The following DOK6 variants were observed in gnomAD, a reference collection of about 807,000 sequenced individuals.
The protein encoded by DOK6 is docking protein 6.
A neutral mutation model predicts 44.0 loss-of-function variants in DOK6; 22 were observed. The observed-to-expected ratio is 0.50, with a 90% CI of 0.36 to 0.71. DOK6 has a LOEUF of 0.71. Ranked by LOEUF, DOK6 falls within the 30% of genes least tolerant of loss-of-function variation. The probability of loss-of-function intolerance (pLI) is 0.00; values close to 1 mark genes in which losing one functional copy is unlikely to be tolerated. For missense variants in DOK6, 340 were observed against 416.4 expected, an observed-to-expected ratio of 0.82 and a Z score of 1.60; for synonymous variants, 166 against 145.5, an observed-to-expected ratio of 1.14 and a Z score of -1.01.
chr18:69,417,948 G>A (rs982324802), intron 1 of DOK6, among the ~76,000 whole-genome samples: 11 of 152,184 alleles, frequency 7.2e-5, no homozygotes, highest in African/African-American at 2.6e-4. Flanking sequence ...TATGTATCCC[G>A]TTTATTAACC....
intron 1 of DOK6, among the ~76,000 whole-genome samples, chr18:69,440,383 A>G (rs554641496): frequency 5.3e-4 from 80 of 152,318 alleles, no homozygotes; most frequent in African/African-American, 1.9e-3. Flanking sequence ...GAGGTGATAG[A>G]CTTGCTTAAC....
At chr18:69,419,576 C>T (rs1978427840) in intron 1 of DOK6, among the ~76,000 whole-genome samples, 1 of 152,108 alleles carries the variant, frequency 6.6e-6, no homozygotes, top group Non-Finnish European at 1.5e-5. Flanking sequence ...TTGTTTTGCT[C>T]TGCAGTTAGA....
chr18:69,469,652 C>A, intron 1 of DOK6: 1 of 232,942 alleles, frequency 4.3e-6, no homozygotes, highest in Non-Finnish European at 8.9e-6. Context: ...CCGGCTGCCT[C>A]ACCAGAGCCT....
chr18:69,774,139 T>TATATATATATATGAG (rs1478729394), intron 7 of DOK6, among the ~76,000 whole-genome samples: 5 of 119,880 alleles, frequency 4.2e-5, no homozygotes, highest in African/African-American at 1.4e-4. Context: ...ATGAGATATA[T>TATATATATATATGAG]ATATATATAT....
At chr18:69,459,426 A>G (rs570848743) in intron 1 of DOK6, among the ~76,000 whole-genome samples, 34 of 152,234 alleles carry the variant, frequency 2.2e-4, no homozygotes, top group Non-Finnish European at 4.6e-4. Context: ...TGATAACATC[A>G]ATAATAATTA....
chr18:69,724,370 T>C (rs1978296141), intron 5 of DOK6, among the ~76,000 whole-genome samples: 1 of 152,202 alleles, frequency 6.6e-6, no homozygotes, highest in African/African-American at 2.4e-5. Context: ...GAAGATAGCA[T>C]TGAAAATGAA....
At chr18:69,796,674 G>T (rs1292732247) in intron 7 of DOK6, among the ~76,000 whole-genome samples, 1 of 152,202 alleles carries the variant, frequency 6.6e-6, no homozygotes, top group East Asian at 1.9e-4. Flanking sequence ...AATTTAAAAA[G>T]TGTACCTGTC....
At chr18:69,593,683 T>C (rs921169459) in intron 2 of DOK6, among the ~76,000 whole-genome samples, 6 of 152,176 alleles carry the variant, frequency 3.9e-5, no homozygotes, top group African/African-American at 1.4e-4. Flanking sequence ...TGCTAGGCTA[T>C]CCATTAGCTT....
At chr18:69,694,194 C>T (rs1986342336) in intron 4 of DOK6, among the ~76,000 whole-genome samples, 1 of 151,764 alleles carries the variant, frequency 6.6e-6, no homozygotes, top group Non-Finnish European at 1.5e-5. Context: ...CCTTGCTGCC[C>T]CTTTTCCCTG....
At chr18:69,624,027 C>T (rs915730269) in intron 3 of DOK6, among the ~76,000 whole-genome samples, 5 of 151,778 alleles carry the variant, frequency 3.3e-5, no homozygotes, top group African/African-American at 1.2e-4. Flanking sequence ...AGTATTATGG[C>T]TCTACACAAC....
chr18:69,558,643 A>G (rs879750674), intron 1 of DOK6, among the ~76,000 whole-genome samples: 33 of 152,132 alleles, frequency 2.2e-4, no homozygotes, highest in Non-Finnish European at 2.9e-4. Flanking sequence ...ATTAAGACAA[A>G]CAGAAATGAA....
rs569761716 is a variant in DOK6 at position 69,842,512 on chromosome 18, A to G, written c.*1129A>G. 1.3e-5 allele frequency: 2 copies of G among 152,192 alleles called. No homozygotes were observed. The highest frequency in any genetic ancestry group is 2.4e-5 in the African/African-American group (1 of 41,414). 9.4% of individuals were successfully genotyped at this position (152,192 alleles called of 1,614,324 possible). A position where few individuals can be genotyped will look rare whatever the true frequency, so the allele number is the denominator to read the frequency against. On this transcript the variant is annotated 3_prime_UTR_variant, in exon 8 of 8. Transcript: ENST00000382713. ...GAACAAAATGGGTACAGGATTGTGGATATCATAGATGCTGTTCTCACACAA... is the reference window on the plus strand; with the variant it reads ...GAACAAAATGGGTACAGGATTGTGGGTATCATAGATGCTGTTCTCACACAA...
chr18:69,402,342 C>T (rs1035260930), intron 1 of DOK6, among the ~76,000 whole-genome samples: 1 of 152,178 alleles, frequency 6.6e-6, no homozygotes, highest in African/African-American at 2.4e-5. Flanking sequence ...TGAGCTAGAA[C>T]CTTTCCTGTG....
At chr18:69,772,544 C>T (rs898861425) in intron 7 of DOK6, among the ~76,000 whole-genome samples, 1 of 151,818 alleles carries the variant, frequency 6.6e-6, no homozygotes, top group Admixed American at 6.6e-5. Flanking sequence ...ACATAATAGC[C>T]CAGAAACAAA....
At chr18:69,718,494 T>G (rs1437449659) in intron 5 of DOK6, among the ~76,000 whole-genome samples, 1 of 152,180 alleles carries the variant, frequency 6.6e-6, no homozygotes, top group African/African-American at 2.4e-5. Flanking sequence ...ATAGGGCACA[T>G]TTTATCATGA....
intron 7 of DOK6, among the ~76,000 whole-genome samples, chr18:69,822,564 C>T (rs914126686): frequency 6.6e-6 from 1 of 152,214 alleles, no homozygotes; most frequent in Non-Finnish European, 1.5e-5. Context: ...TCCAGCCTGA[C>T]ATTTCCCCCA....
At chr18:69,479,720 T>A (rs993989819) in intron 1 of DOK6, among the ~76,000 whole-genome samples, 2 of 152,172 alleles carry the variant, frequency 1.3e-5, no homozygotes, top group Non-Finnish European at 2.9e-5. Context: ...TCAGTTGGAA[T>A]GGAATTATAA....
chr18:69,639,948 T>C (rs189086151), intron 3 of DOK6, among the ~76,000 whole-genome samples: 1 of 152,294 alleles, frequency 6.6e-6, no homozygotes, highest in Admixed American at 6.5e-5. Flanking sequence ...AGGGTCCTAT[T>C]AATTGATGAT....
At chr18:69,829,674 T>C (rs752923001) in intron 7 of DOK6, among the ~76,000 whole-genome samples, 1 of 151,850 alleles carries the variant, frequency 6.6e-6, no homozygotes, top group South Asian at 2.1e-4. Flanking sequence ...GAAAATATTT[T>C]AATATTACTG....
Sources: gnomAD v4.1 joint callset for allele counts (sites outside exome capture counted in the v4.1 genomes callset) on GRCh38, gnomAD v4.1.1 for gene constraint, MANE v1.5 for transcripts, NCBI Gene and HGNC (gene_info 2026-07-23, HGNC 2026-07-21) for gene names.